NEK7: variants seen among roughly 807,000 people sequenced by gnomAD.
NEK7 encodes the protein serine/threonine-protein kinase Nek7.
In NEK7, 18 loss-of-function variants were observed where a neutral mutation model predicts 44.6. The ratio of observed to expected loss-of-function variants is 0.40; its 90% CI spans 0.28 to 0.60. The LOEUF (loss-of-function observed/expected upper bound fraction) is 0.60. NEK7 is among the 20% of genes least tolerant of loss of function. The pLI is 0.38. For synonymous variants in NEK7, 130 were observed against 121.1 expected, an observed-to-expected ratio of 1.07 and a Z score of -0.48; for missense variants, 256 against 366.5, an observed-to-expected ratio of 0.70 and a Z score of 2.46.
chr1:198,231,299 GTGTATATATA>G (rs1284977398), intron 1 of NEK7, among the ~76,000 whole-genome samples: 5,576 of 98,192 alleles, frequency 0.057, 247 homozygotes, highest in African/African-American at 0.14. Context: ...GTATGTGTGT[GTGTATATATA>G]TATATATATA....
intron 7 of NEK7, among the ~76,000 whole-genome samples, chr1:198,289,135 G>GTA (rs1440653571): frequency 5.1e-4 from 26 of 50,984 alleles, no homozygotes; most frequent in Admixed American, 3.7e-3. Flanking sequence ...CTGAAGTTGT[G>GTA]TGTGTGTGTG....
intron 9 of NEK7, among the ~76,000 whole-genome samples, chr1:198,315,036 CCG>C (rs1194972015): frequency 6.6e-6 from 1 of 152,204 alleles, no homozygotes; most frequent in Non-Finnish European, 1.5e-5. Flanking sequence ...CCCAGCCTCG[CCG>C]CCACCTTGCA....
chr1:198,160,232 G>C (rs1395177046), intron 1 of NEK7, among the ~76,000 whole-genome samples: 1 of 151,702 alleles, frequency 6.6e-6, no homozygotes, highest in African/African-American at 2.4e-5. Flanking sequence ...GCAGGGCCCA[G>C]TTAAGTGTTA....
intron 5 of NEK7, among the ~76,000 whole-genome samples, chr1:198,265,677 A>T (rs1412498843): frequency 6.6e-6 from 1 of 152,072 alleles, no homozygotes; most frequent in Non-Finnish European, 1.5e-5. Flanking sequence ...AGCTTCCTAG[A>T]TTGTCACTAG....
chr1:198,268,041 G>A (rs1049298199), intron 5 of NEK7, among the ~76,000 whole-genome samples: 1 of 151,582 alleles, frequency 6.6e-6, no homozygotes, highest in African/African-American at 2.4e-5. Flanking sequence ...GTCCCACAGT[G>A]TCTTGATTTT....
chr1:198,167,656 G>C (rs918430920), intron 1 of NEK7, among the ~76,000 whole-genome samples: 7 of 152,122 alleles, frequency 4.6e-5, no homozygotes, highest in Admixed American at 6.5e-5. Context: ...CCTTGCTCCT[G>C]AGGTGTTTTT....
Position 198,313,838 on chromosome 1 carries a change from G to A in NEK7, c.799-5574G>A, listed in dbSNP as rs1655266306. ...TAGTCTGATGGGCTTCCCTTTGAGG[G>A]TAACTCGACCTTTCTCTCTGGCTGC... On this transcript the variant is annotated intron_variant, in intron 9 of 9. Transcript: ENST00000367385. Among the ~76,000 whole-genome samples the A allele has an allele frequency of 2.0e-5, 3 of 151,966 alleles. No homozygotes were observed. The South Asian group carries it at 6.2e-4, about 32-fold the overall frequency.
intron 4 of NEK7, among the ~76,000 whole-genome samples, chr1:198,263,191 C>T (rs897774507): frequency 5.3e-5 from 8 of 151,784 alleles, no homozygotes; most frequent in African/African-American, 1.2e-4. Flanking sequence ...AGAAATACTG[C>T]GGCCTATGTT....
intron 2 of NEK7, among the ~76,000 whole-genome samples, chr1:198,243,716 A>T (rs1031307613): frequency 7.9e-5 from 12 of 152,150 alleles, no homozygotes; most frequent in African/African-American, 2.9e-4. Flanking sequence ...TCCTTTGATA[A>T]AAGGCCGGTT....
chr1:198,310,466 T>A (rs1655145390), intron 9 of NEK7, among the ~76,000 whole-genome samples: 1 of 145,432 alleles, frequency 6.9e-6, no homozygotes, highest in African/African-American at 2.6e-5. Context: ...CATTTGTCAA[T>A]TTTGGCTTTT....
intron 5 of NEK7, among the ~76,000 whole-genome samples, chr1:198,270,435 C>T (rs1404962234): frequency 6.6e-6 from 1 of 151,874 alleles, no homozygotes; most frequent in Non-Finnish European, 1.5e-5. Context: ...AATGTCATAC[C>T]GTATCACAGT....
At chr1:198,266,467 G>A (rs1440876944) in intron 5 of NEK7, among the ~76,000 whole-genome samples, 2 of 151,976 alleles carry the variant, frequency 1.3e-5, no homozygotes, top group Non-Finnish European at 2.9e-5. Context: ...GGAGAAACAG[G>A]CATTTGACTA....
chr1:198,210,669 C>A (rs1472813217), intron 1 of NEK7, among the ~76,000 whole-genome samples: 3 of 141,658 alleles, frequency 2.1e-5, no homozygotes, highest in Non-Finnish European at 4.5e-5. Context: ...ATTATATATA[C>A]TTTGTATAAT....
At chr1:198,294,335 A>G (rs1654649375) in intron 8 of NEK7, among the ~76,000 whole-genome samples, 1 of 152,052 alleles carries the variant, frequency 6.6e-6, no homozygotes, top group Non-Finnish European at 1.5e-5. Context: ...ATAATTTGGT[A>G]CAATCCTAAA....
chr1:198,214,048 G>A (rs925367724), intron 1 of NEK7, among the ~76,000 whole-genome samples: 2 of 152,122 alleles, frequency 1.3e-5, no homozygotes, highest in African/African-American at 4.8e-5. Context: ...ACCACCATCT[G>A]AGAAAGCCAG....
intron 9 of NEK7, among the ~76,000 whole-genome samples, chr1:198,305,482 T>G (rs982112156): frequency 3.3e-5 from 5 of 152,136 alleles, no homozygotes; most frequent in African/African-American, 1.2e-4. Context: ...TTTTGATTAT[T>G]TGATATCTGG....
chr1:198,260,416 T>C (rs1653419803), intron 3 of NEK7, among the ~76,000 whole-genome samples: 1 of 136,742 alleles, frequency 7.3e-6, no homozygotes, highest in African/African-American at 2.6e-5. Flanking sequence ...AGTCCTTTCC[T>C]TTTTTTTTTT....
chr1:198,295,463 C>G (rs1367350643), intron 8 of NEK7, among the ~76,000 whole-genome samples: 1 of 151,952 alleles, frequency 6.6e-6, no homozygotes, highest in Non-Finnish European at 1.5e-5. Flanking sequence ...GAGGAGAGGG[C>G]GAGCAGCTGT....
intron 3 of NEK7, among the ~76,000 whole-genome samples, chr1:198,257,840 A>G (rs949894674): frequency 1.3e-5 from 2 of 152,224 alleles, no homozygotes; most frequent in African/African-American, 4.8e-5. Flanking sequence ...TGGATTGTTT[A>G]ACATTTTGGG....
Sources: gnomAD v4.1 joint callset for allele counts (sites outside exome capture counted in the v4.1 genomes callset) on GRCh38, gnomAD v4.1.1 for gene constraint, MANE v1.5 for transcripts, NCBI Gene and HGNC (gene_info 2026-07-23, HGNC 2026-07-21) for gene names.